SLC17A2: variants seen among roughly 807,000 people sequenced by gnomAD.
SLC17A2 encodes sodium-dependent phosphate transport protein 3.
In SLC17A2, 38 loss-of-function variants were observed where a neutral mutation model predicts 52.1. The ratio of observed to expected loss-of-function variants is 0.73; its 90% confidence interval spans 0.56 to 0.96. SLC17A2 has a LOEUF of 0.96. SLC17A2 is among the 40% of genes least tolerant of loss of function. The probability of loss-of-function intolerance (pLI) is 0.00; values close to 1 mark genes in which losing one functional copy is unlikely to be tolerated. For missense variants in SLC17A2, 508 were observed against 583.9 expected, an observed-to-expected ratio of 0.87 and a Z score of 1.34; for synonymous variants, 226 against 211.9, an observed-to-expected ratio of 1.07 and a Z score of -0.58.
At chr6:25,927,104 A>G (rs772966274) in intron 1 of SLC17A2, among the ~76,000 whole-genome samples, 12 of 152,126 alleles carry the variant, frequency 7.9e-5, no homozygotes, top group Non-Finnish European at 1.5e-4. Flanking sequence ...TCAAACCTCT[A>G]TTTTATCATT....
At chr6:25,925,408 G>A (rs1561882376) in intron 2 of SLC17A2, among the ~76,000 whole-genome samples, 1 of 151,666 alleles carries the variant, frequency 6.6e-6, no homozygotes, top group Non-Finnish European at 1.5e-5. Flanking sequence ...AGCTACTCGG[G>A]AGGCTGAGGC....
chr6:25,915,811 C>T lies in SLC17A2; in HGVS notation c.988G>A (p.Gly330Ser), dbSNP rs369679171. The change falls in exon 9 of 12, where the codon GGT becomes AGT. Residue 330 changes from glycine to serine, a missense_variant. Physicochemically the swap from Gly to Ser is moderately conservative, Grantham distance 56. Coordinates refer to ENST00000377850, the MANE Select transcript of SLC17A2 (RefSeq NM_001286123.3). The part of the protein sequence containing the change: ...IAAASCTILG[G>S]QLADFLLSRN... ...GACAAAAGGAAATCTGCCAGCTGAC[C>T]TCCTAAAATTGTACAGCTTGCAGCA... is the stretch of plus-strand genomic sequence containing the variant. The T allele has an allele frequency of 6.2e-7, 1 of 1,613,980 alleles. No homozygotes were observed. The highest frequency in any genetic ancestry group is 1.3e-5 in the African/African-American group (1 of 74,908).
intron 2 of SLC17A2, among the ~76,000 whole-genome samples, chr6:25,924,321 A>G (rs1050913380): frequency 3.3e-5 from 5 of 152,200 alleles, no homozygotes; most frequent in African/African-American, 1.2e-4. Context: ...TGTTTATCAC[A>G]AAGCTTGAGA....
At chr6:25,924,020 CTT>C in intron 2 of SLC17A2, 114 bp from the exon 3 acceptor site, 1 of 812,154 alleles carries the variant, frequency 1.2e-6, no homozygotes, top group South Asian at 1.7e-5. Flanking sequence ...GTCTCATTGT[CTT>C]TTTTTCACCA....
intron 5 of SLC17A2, among the ~76,000 whole-genome samples, chr6:25,920,107 G>A (rs1185239359): frequency 1.3e-5 from 2 of 152,210 alleles, no homozygotes; most frequent in Non-Finnish European, 2.9e-5. Flanking sequence ...GTCTAGAAGA[G>A]AGAGATCAGC....
intron 5 of SLC17A2, among the ~76,000 whole-genome samples, chr6:25,920,802 C>T (rs902278993): frequency 1.3e-5 from 2 of 152,218 alleles, no homozygotes; most frequent in African/African-American, 4.8e-5. Context: ...TGAAACCTAG[C>T]TCACAATGGT....
chr6:25,915,504 G>A lies in SLC17A2; in HGVS notation c.1206C>T (p.Ala402=). The A allele has an allele frequency of 1.3e-6, 2 of 1,550,730 alleles. No individual in the cohort carries two copies. Among genetic ancestry groups the A allele is most frequent in the Non-Finnish European group, 1.7e-6 (2 of 1,147,194 alleles). ...SGFIINTLDI[A]PRYASFLMGI... is the part of the protein sequence containing the mutation. ...AAAACAGGTAGAGCTCTTACCTGGG[G>A]GCGATATCTAAGGTGTTGATGATAA... Residue 402 remains alanine (A), a synonymous_variant, in exon 10 of 12, where the codon GCC becomes GCT. Transcript: ENST00000377850.
At chr6:25,921,905 A>C (rs1231709856) in intron 3 of SLC17A2, among the ~76,000 whole-genome samples, 1 of 152,194 alleles carries the variant, frequency 6.6e-6, no homozygotes, top group East Asian at 1.9e-4. Flanking sequence ...AATGAATAAG[A>C]TCACATTCTT....
chr6:25,929,198 G>C (rs572579384), intron 1 of SLC17A2, among the ~76,000 whole-genome samples: 35 of 152,238 alleles, frequency 2.3e-4, no homozygotes, highest in African/African-American at 8.4e-4. Context: ...GGATATTCAA[G>C]GACTGAATTC....
At chr6:25,913,672 T>C (rs1766187210) in intron 11 of SLC17A2, among the ~76,000 whole-genome samples, 1 of 152,208 alleles carries the variant, frequency 6.6e-6, no homozygotes, top group Non-Finnish European at 1.5e-5. Context: ...AAAAATAAAA[T>C]ACACTAATGT....
chr6:25,915,639 G>A lies in SLC17A2; in HGVS notation c.1071C>T (p.Leu357=). 6.2e-7 allele frequency: 1 copy of A among 1,613,844 alleles called. No individual in the cohort carries two copies. Among genetic ancestry groups the A allele is most frequent in the Non-Finnish European group, 8.5e-7 (1 of 1,179,854 alleles). Residue 357 remains leucine, a synonymous_variant, in exon 10 of 12, where the codon CTC becomes CTT. Coordinates refer to ENST00000377850, the MANE Select transcript of SLC17A2 (RefSeq NM_001286123.3). ...VRKLFSSLGL[L]LPSICAVALP... Reference sequence around the variant, plus strand: ...GGGCCACAGCACATATTGATGGAAGGAGGAGCCCTGGGCAATGAGGACATG... The same window carrying A: ...GGGCCACAGCACATATTGATGGAAGAAGGAGCCCTGGGCAATGAGGACATG...
rs1766555079 is a variant in SLC17A2 at position 25,921,388 on chromosome 6, C to A, written c.265G>T (p.Glu89Ter). Residue 89 changes from glutamate to a stop codon, truncating the protein, a stop_gained, in exon 4 of 12, where the codon GAA (glutamate) becomes TAA (stop). Coordinates refer to ENST00000377850, the MANE Select transcript of SLC17A2 (RefSeq NM_001286123.3). LOFTEE classifies it high-confidence loss of function. ...TKASVYQWSP[E>*]TQGIIFSSIN... is the part of the protein sequence containing the mutation. The stretch of plus-strand genomic sequence containing the variant: ...GAGCTAAAGATGATACCCTGAGTTT[C>A]TGGGCTCCATTGATACACAGAGGCC... The A allele has an allele frequency of 6.8e-6, 11 of 1,613,936 alleles. No homozygotes were observed. Among genetic ancestry groups the A allele is most frequent in the Non-Finnish European group, 9.3e-6 (11 of 1,179,890 alleles).
intron 6 of SLC17A2, 143 bp downstream of exon 6, chr6:25,918,344 A>G: frequency 3.2e-6 from 2 of 622,820 alleles, no homozygotes; most frequent in Admixed American, 2.7e-5. Flanking sequence ...TAGATTAAAA[A>G]TGATACCAAC....
intron 11 of SLC17A2, among the ~76,000 whole-genome samples, chr6:25,914,120 A>C (rs1766209165): frequency 6.6e-6 from 1 of 152,210 alleles, no homozygotes; most frequent in Non-Finnish European, 1.5e-5. Flanking sequence ...GCCTCCTTGC[A>C]ATGTCTCACA....
In SLC17A2 at chr6:25,916,809, A is replaced by G; in HGVS notation, c.806T>C (p.Met269Thr). The change falls in exon 8 of 12, where the codon ATG becomes ACG. Residue 269 changes from methionine (M) to threonine (T), a missense_variant. Physicochemically the swap from Met to Thr is moderately conservative, Grantham distance 81. Transcript: ENST00000377850. ...GGCCCAAAGTGGTAGGCATGTGACC[A>G]TCGCCTTTATGGGGACAGCTCGTCC... ...SPGRAVPIKA[M>T]VTCLPLWAIF... is the part of the protein sequence containing the mutation. 4 of 1,614,194 alleles carry G rather than the reference A, an allele frequency of 2.5e-6. No homozygotes were observed. Among genetic ancestry groups the G allele is most frequent in the South Asian group, 1.1e-5 (1 of 91,084 alleles).
chr6:25,919,338 T>C (rs1027631317), intron 5 of SLC17A2, among the ~76,000 whole-genome samples: 2 of 152,024 alleles, frequency 1.3e-5, no homozygotes, highest in Non-Finnish European at 2.9e-5. Flanking sequence ...AAAAAAAAGA[T>C]GTAAAATATA....
In SLC17A2 at chr6:25,915,862, C is replaced by G. The variant is rs1766291835; in HGVS notation, c.937G>C (p.Val313Leu). The G allele has an allele frequency of 6.8e-6, 11 of 1,613,546 alleles. No individual in the cohort carries two copies. Among genetic ancestry groups the G allele is most frequent in the Non-Finnish European group, 9.3e-6 (11 of 1,179,856 alleles). Residue 313 changes from valine (V) to leucine (L), a missense_variant, in exon 9 of 12, where the codon GTT becomes CTT. By Grantham distance (32) the Val-to-Leu change is conservative. Coordinates refer to ENST00000377850, the MANE Select transcript of SLC17A2 (RefSeq NM_001286123.3). ...GCAATAAAAGGCAGGGAGGACAGAA[C>G]TCCACTCTGAAGGAAGGAAGTTTAT... ...LLHVNIRDSG[V>L]LSSLPFIAAA...
intron 2 of SLC17A2, among the ~76,000 whole-genome samples, chr6:25,924,734 A>G (rs1011884220): frequency 1.3e-5 from 2 of 151,650 alleles, no homozygotes; most frequent in Non-Finnish European, 2.9e-5. Context: ...ACTTGAACCC[A>G]GGAGGCAGAG....
In SLC17A2 at chr6:25,914,677, G is replaced by A. The variant is rs762032495; in HGVS notation, c.1212-7C>T. 1.3e-6 allele frequency: 2 copies of A among 1,556,594 alleles called. No individual in the cohort carries two copies. Among genetic ancestry groups the A allele is most frequent in the East Asian group, 2.3e-5 (1 of 44,404 alleles). On this transcript the variant is annotated splice_polypyrimidine_tract_variant and splice_region_variant and intron_variant, in intron 10 of 11. Coordinates refer to ENST00000377850, the MANE Select transcript of SLC17A2 (RefSeq NM_001286123.3). ...CATGAGGAAACTTGCATATCTGTGGGAAGATGATTTTATAAATGATTTTAT... is the reference window on the plus strand; with the variant it reads ...CATGAGGAAACTTGCATATCTGTGGAAAGATGATTTTATAAATGATTTTAT...
Sources: gnomAD v4.1 joint callset for allele counts (sites outside exome capture counted in the v4.1 genomes callset) on GRCh38, gnomAD v4.1.1 for gene constraint, MANE v1.5 for transcripts, NCBI Gene and HGNC (gene_info 2026-07-23, HGNC 2026-07-21) for gene names.